NR3C2: variants seen among roughly 807,000 people sequenced by gnomAD.
NR3C2 encodes the protein mineralocorticoid receptor.
Under a neutral mutation model 86.4 loss-of-function variants are expected in NR3C2, and 15 were observed. The observed-to-expected ratio is 0.17, with a 90% CI of 0.12 to 0.27. The LOEUF (loss-of-function observed/expected upper bound fraction) is 0.27, where lower values mean the gene tolerates loss of function less well. Ranked by LOEUF, NR3C2 falls within the 10% of genes least tolerant of loss-of-function variation. The probability of loss-of-function intolerance (pLI) is 1.00; values close to 1 mark genes in which losing one functional copy is unlikely to be tolerated. For missense variants in NR3C2, 960 were observed against 1,195.6 expected, an observed-to-expected ratio of 0.80 and a Z score of 2.91; for synonymous variants, 458 against 450.5, an observed-to-expected ratio of 1.02 and a Z score of -0.21.
chr4:148,239,703 G>A (rs957441010), intron 3 of NR3C2, among the ~76,000 whole-genome samples: 10 of 152,196 alleles, frequency 6.6e-5, no homozygotes, highest in Non-Finnish European at 1.0e-4. Context: ...GCGGTATGAG[G>A]TCCACAGTTT....
intron 3 of NR3C2, among the ~76,000 whole-genome samples, chr4:148,200,556 A>G (rs1736669311): frequency 6.6e-6 from 1 of 152,222 alleles, no homozygotes; most frequent in South Asian, 2.1e-4. Flanking sequence ...TCCTCATTGC[A>G]GGATCTCTTG....
chr4:148,146,853 C>A (rs549840358), intron 6 of NR3C2: 25 of 152,048 alleles, frequency 1.6e-4, no homozygotes, highest in African/African-American at 5.3e-4. Context: ...GTAGTATAAG[C>A]AAGTCTTTAA....
At chr4:148,279,179 A>AATAC (rs1382116614) in intron 2 of NR3C2, among the ~76,000 whole-genome samples, 3 of 152,132 alleles carry the variant, frequency 2.0e-5, no homozygotes, top group Non-Finnish European at 2.9e-5. Context: ...TAAATAAATA[A>AATAC]AGTTCTGGCT....
At chr4:148,246,238 G>A (rs900791915) in intron 3 of NR3C2, among the ~76,000 whole-genome samples, 7 of 152,240 alleles carry the variant, frequency 4.6e-5, no homozygotes, top group Non-Finnish European at 7.4e-5. Context: ...TAATAATATT[G>A]TCTTCAGTAA....
In NR3C2 at chr4:148,144,496, A is replaced by G. The variant is rs575121751; in HGVS notation, c.2510+7973T>C. The stretch of plus-strand genomic sequence containing the variant: ...GTGTGAGGTACCATGCCTGGCTAAA[A>G]GCGACTTTCTACTCCAACTCTAATT... On this transcript the variant is annotated intron_variant, in intron 6 of 8. Transcript: ENST00000358102. Among the ~76,000 whole-genome samples the G allele has an allele frequency of 3.3e-5, 5 of 152,302 alleles. No individual in the cohort carries two copies. In the South Asian group the frequency reaches 1.0e-3, roughly 32 times the overall value.
chr4:148,312,582 A>C (rs1446121814), intron 2 of NR3C2, among the ~76,000 whole-genome samples: 1 of 152,222 alleles, frequency 6.6e-6, no homozygotes, highest in Non-Finnish European at 1.5e-5. Context: ...AAGGAATGAA[A>C]GAATGAATTT....
At chr4:148,242,799 T>C (rs1739123913) in intron 3 of NR3C2, among the ~76,000 whole-genome samples, 1 of 152,176 alleles carries the variant, frequency 6.6e-6, no homozygotes, top group Admixed American at 6.5e-5. Flanking sequence ...ACAGTTTGCA[T>C]ATATAAGAAG....
rs565248460 is a variant in NR3C2, at chr4:148,121,569, C to A, written c.2511-1281G>T. ...AATGGCAGAGTTAAGGCCCACTCTG[C>A]CTTCTTCCCCAATCCCATCCATCTC... On this transcript the variant is annotated intron_variant, in intron 6 of 8. Coordinates refer to ENST00000358102, the MANE Select transcript of NR3C2 (RefSeq NM_000901.5). Among the ~76,000 whole-genome samples the A allele has an allele frequency of 7.2e-5, 11 of 152,324 alleles. 1 individual carries two copies. In the South Asian group the frequency reaches 1.9e-3, roughly 26 times the overall value.
chr4:148,294,585 C>T (rs1741955841), intron 2 of NR3C2, among the ~76,000 whole-genome samples: 1 of 151,776 alleles, frequency 6.6e-6, no homozygotes, highest in Non-Finnish European at 1.5e-5. Flanking sequence ...ATGCAAGTAC[C>T]TCAACTGCAG....
At chr4:148,185,362 G>A (rs998249866) in intron 4 of NR3C2, among the ~76,000 whole-genome samples, 12 of 152,164 alleles carry the variant, frequency 7.9e-5, no homozygotes, top group Non-Finnish European at 1.6e-4. Flanking sequence ...CACATTAGCA[G>A]TAAGGCCAAG....
chr4:148,200,362 C>G (rs1359749007), intron 3 of NR3C2, among the ~76,000 whole-genome samples: 1 of 151,452 alleles, frequency 6.6e-6, no homozygotes, highest in South Asian at 2.1e-4. Flanking sequence ...CCCCACACAG[C>G]CCCCTTCCCG....
At chr4:148,398,826 C>A (rs935891528) in intron 2 of NR3C2, among the ~76,000 whole-genome samples, 1 of 151,882 alleles carries the variant, frequency 6.6e-6, no homozygotes, top group Non-Finnish European at 1.5e-5. Context: ...AAAGAAGTAC[C>A]CTGGGTAGTG....
intron 2 of NR3C2, among the ~76,000 whole-genome samples, chr4:148,412,753 C>T (rs1748768642): frequency 6.6e-6 from 1 of 152,130 alleles, no homozygotes; most frequent in South Asian, 2.1e-4. Context: ...TGACTGAAAT[C>T]TCCCTCTCTG....
intron 4 of NR3C2, among the ~76,000 whole-genome samples, chr4:148,179,874 T>C (rs1447334378): frequency 6.6e-6 from 1 of 151,808 alleles, no homozygotes; most frequent in African/African-American, 2.4e-5. Flanking sequence ...TTAATTTATA[T>C]GTGAAGATGC....
At chr4:148,204,658 C>T (rs1036644200) in intron 3 of NR3C2, among the ~76,000 whole-genome samples, 5 of 152,234 alleles carry the variant, frequency 3.3e-5, no homozygotes, top group African/African-American at 1.2e-4. Context: ...CTTATACCAA[C>T]AGGACAAAAT....
At chr4:148,238,653 G>T (rs140451543) in intron 3 of NR3C2, among the ~76,000 whole-genome samples, 1 of 152,178 alleles carries the variant, frequency 6.6e-6, no homozygotes, top group African/African-American at 2.4e-5. Context: ...ATCTACCTAT[G>T]ACTTTGAGGA....
intron 2 of NR3C2, among the ~76,000 whole-genome samples, chr4:148,362,162 C>T (rs1490550398): frequency 2.6e-5 from 4 of 152,146 alleles, no homozygotes; most frequent in African/African-American, 4.8e-5. Flanking sequence ...ATACAGATTT[C>T]CTGGAAAATT....
chr4:148,405,561 A>T (rs1398607544), intron 2 of NR3C2, among the ~76,000 whole-genome samples: 1 of 152,242 alleles, frequency 6.6e-6, no homozygotes, highest in East Asian at 1.9e-4. Flanking sequence ...GACTCCTTGA[A>T]CTACTTATAC....
intron 6 of NR3C2, among the ~76,000 whole-genome samples, chr4:148,134,073 T>A (rs901161918): frequency 6.6e-6 from 1 of 152,220 alleles, no homozygotes; most frequent in South Asian, 2.1e-4. Flanking sequence ...GTTTCTTCTA[T>A]TGGAATCATC....
Sources: allele counts gnomAD v4.1 joint callset (sites outside exome capture counted in the v4.1 genomes callset), GRCh38; gene constraint gnomAD v4.1.1; transcripts MANE v1.5; gene names NCBI Gene and HGNC (gene_info 2026-07-23, HGNC 2026-07-21).